The following TRPV4 variants were observed in gnomAD, a reference collection of about 807,000 sequenced individuals.
TRPV4 encodes the protein OSM9-like transient receptor potential channel 4.
In TRPV4, 58 loss-of-function variants were observed where a neutral mutation model predicts 84.1. The observed-to-expected ratio is 0.69, with a 90% CI of 0.56 to 0.86. The LOEUF is 0.86. Among genes scored for constraint, TRPV4 ranks in the 40% least tolerant of loss-of-function variants. TRPV4 has a pLI of 0.00. For synonymous variants in TRPV4, 489 were observed against 500.9 expected, an observed-to-expected ratio of 0.98 and a Z score of 0.32; for missense variants, 879 against 1,181.1, an observed-to-expected ratio of 0.74 and a Z score of 3.75.
At position 109,823,220 on chromosome 12, in the gene TRPV4, A is replaced by C. The variant is rs181511947; in HGVS notation, c.-31-8393T>G. On this transcript the variant is annotated intron_variant, in intron 1 of 15. Coordinates refer to ENST00000261740, the MANE Select transcript of TRPV4 (RefSeq NM_021625.5). Reference sequence around the variant, plus strand: ...GTATTTACCTAGCAGGTCTCGGCCCAGCCCGCTTCCTGTTTGCTGCACAGT... The same window carrying C: ...GTATTTACCTAGCAGGTCTCGGCCCCGCCCGCTTCCTGTTTGCTGCACAGT... Among the ~76,000 whole-genome samples the C allele has an allele frequency of 3.6e-3, 550 of 152,334 alleles. 4 individuals are homozygous for C. The highest frequency in any genetic ancestry group is 0.013 in the African/African-American group (530 of 41,580).
intron 12 of TRPV4, among the ~76,000 whole-genome samples, chr12:109,789,050 G>A (rs977465740): frequency 3.3e-5 from 5 of 152,138 alleles, no homozygotes; most frequent in Admixed American, 1.3e-4. Context: ...ACTGATAAGC[G>A]TAGGAGTTTT....
chr12:109,791,774 G>A (rs1397553224), intron 12 of TRPV4, among the ~76,000 whole-genome samples: 1 of 151,992 alleles, frequency 6.6e-6, no homozygotes, highest in East Asian at 2.0e-4. Flanking sequence ...GTGAGCCACT[G>A]CGCCCGGCCA....
intron 14 of TRPV4, among the ~76,000 whole-genome samples, chr12:109,785,034 T>C (rs1454731384): frequency 6.6e-6 from 1 of 152,114 alleles, no homozygotes; most frequent in Non-Finnish European, 1.5e-5. Flanking sequence ...TTTTTAACCT[T>C]CTTTTGAGAC....
chr12:109,798,916 C>G lies in TRPV4; in HGVS notation c.854-4G>C. 1.9e-6 allele frequency: 3 copies of G among 1,608,070 alleles called. No individual in the cohort carries two copies. The highest frequency in any genetic ancestry group is 2.5e-6 in the Non-Finnish European group (3 of 1,176,856). On this transcript the variant is annotated splice_region_variant and splice_polypyrimidine_tract_variant and intron_variant, in intron 5 of 15. Transcript: ENST00000261740. The surrounding 1 kb of genome is among the most constrained non-coding windows in gnomAD (Gnocchi z 5.0). ...GCCAGCGACAGGGGCAGCTCCCCTGCGGGCCAGGGTGAAGGGTGGGAGGTC... is the reference window on the plus strand; with the variant it reads ...GCCAGCGACAGGGGCAGCTCCCCTGGGGGCCAGGGTGAAGGGTGGGAGGTC...
intron 7 of TRPV4, among the ~76,000 whole-genome samples, chr12:109,795,929 A>ATTT (rs72406308): frequency 2.0e-4 from 30 of 149,090 alleles, no homozygotes; most frequent in Admixed American, 6.7e-4. Context: ...CATTTTTATT[A>ATTT]TTTTTTTTTG....
chr12:109,814,691 G>A lies in TRPV4; in HGVS notation c.106C>T (p.Leu36=). ...TCCTCCCCCTCAAACAGATTGGCCA[G>A]GGAGGAGAGAGGAAAAGCCTCCCCA... ...PGGEAFPLSS[L]ANLFEGEDGS... The change falls in exon 2 of 16, where the codon CTG becomes TTG. Residue 36 remains leucine, a synonymous_variant. Transcript: ENST00000261740. This position sits in a 1 kb window ranked among gnomAD's most constrained non-coding sequence, Gnocchi z 5.4. The A allele has an allele frequency of 6.2e-7, 1 of 1,611,398 alleles. No individual in the cohort carries two copies. Among genetic ancestry groups the A allele is most frequent in the Non-Finnish European group, 8.5e-7 (1 of 1,179,138 alleles).
At chr12:109,817,436 C>T (rs1186173959) in intron 1 of TRPV4, among the ~76,000 whole-genome samples, 2 of 152,152 alleles carry the variant, frequency 1.3e-5, no homozygotes, top group Non-Finnish European at 2.9e-5. Context: ...CCAAGAAGGT[C>T]CTTCCATCCC....
Position 109,814,909 on chromosome 12 carries a change from A to G in TRPV4, c.-31-82T>C. 1 of 1,345,464 alleles carries G rather than the reference A, an allele frequency of 7.4e-7. No homozygotes were observed. The highest frequency in any genetic ancestry group is 1.0e-6 in the Non-Finnish European group (1 of 984,358). 83.3% of individuals were successfully genotyped at this position (1,345,464 alleles called of 1,614,324 possible). On this transcript the variant is annotated intron_variant, in intron 1 of 15. Coordinates refer to ENST00000261740, the MANE Select transcript of TRPV4 (RefSeq NM_021625.5). The surrounding 1 kb of genome is among the most constrained non-coding windows in gnomAD (Gnocchi z 5.4). The stretch of plus-strand genomic sequence containing the variant: ...GAAGCCCCCTCCCACGTGGACAAGC[A>G]GCAGTGCTGCCAGCTGCTTCAAAGC...
intron 7 of TRPV4, among the ~76,000 whole-genome samples, chr12:109,795,496 C>G (rs1375225802): frequency 6.6e-6 from 1 of 152,188 alleles, no homozygotes; most frequent in Non-Finnish European, 1.5e-5. Flanking sequence ...TTATAGCTTC[C>G]TAGCCCTTTA....
chr12:109,783,723 C>T lies in TRPV4; in HGVS notation c.2514G>A (p.Pro838=), dbSNP rs576688961. ...TGTCCAGAGGCACCACCACCTCGTC[C>T]GGGTTCGAGTTCTTGTTCAGTTCCA... The part of the protein sequence containing the change: ...RVVELNKNSN[P]DEVVVPLDSM... Residue 838 remains proline, a synonymous_variant, in exon 16 of 16, where the codon CCG becomes CCA. Coordinates refer to ENST00000261740, the MANE Select transcript of TRPV4 (RefSeq NM_021625.5). The surrounding 1 kb of genome is among the most constrained non-coding windows in gnomAD (Gnocchi z 4.6). The T allele has an allele frequency of 8.9e-5, 144 of 1,613,656 alleles. No homozygotes were observed. In the Middle Eastern group the frequency reaches 9.9e-4, roughly 11 times the overall value.
intron 1 of TRPV4, among the ~76,000 whole-genome samples, chr12:109,820,513 C>CT (rs1245573219): frequency 2.8e-5 from 3 of 106,728 alleles, no homozygotes; most frequent in Admixed American, 1.0e-4. Flanking sequence ...CTTCAGCTGC[C>CT]CTATTTTTTT....
intron 7 of TRPV4, among the ~76,000 whole-genome samples, chr12:109,794,868 A>G (rs1244517958): frequency 6.6e-6 from 1 of 152,042 alleles, no homozygotes; most frequent in Admixed American, 6.6e-5. Flanking sequence ...AAACACAACA[A>G]TTAGCCGGGC....
rs1169311810 is a variant in TRPV4, at chr12:109,814,865, C to A, written c.-31-38G>T. ...GAAAGGGGAGTCAGGCAGAACCCGGCCAGGGGCGGGGGCTCCAGGAAGCCC... is the reference window on the plus strand; with the variant it reads ...GAAAGGGGAGTCAGGCAGAACCCGGACAGGGGCGGGGGCTCCAGGAAGCCC... On this transcript the variant is annotated intron_variant, in intron 1 of 15. Transcript: ENST00000261740. This position sits in a 1 kb window ranked among gnomAD's most constrained non-coding sequence, Gnocchi z 5.4. 1.3e-6 allele frequency: 2 copies of A among 1,527,322 alleles called. No individual in the cohort carries two copies. Among genetic ancestry groups the A allele is most frequent in the African/African-American group, 1.4e-5 (1 of 72,926 alleles). 94.6% of individuals were successfully genotyped at this position (1,527,322 alleles called of 1,614,324 possible).
In TRPV4 at chr12:109,783,798, G is replaced by C. The variant is rs1237103634; in HGVS notation, c.2459-20C>G. On this transcript the variant is annotated intron_variant, in intron 15 of 15. Coordinates refer to ENST00000261740, the MANE Select transcript of TRPV4 (RefSeq NM_021625.5). The surrounding 1 kb of genome is among the most constrained non-coding windows in gnomAD (Gnocchi z 4.6). The stretch of plus-strand genomic sequence containing the variant: ...AGCGATCTGCACCGAGAGCACATCA[G>C]AGGGAGGGGTGGGGGTTGGTGGAGA... The C allele has an allele frequency of 6.2e-7, 1 of 1,609,764 alleles. No individual in the cohort carries two copies. The highest frequency in any genetic ancestry group is 8.5e-7 in the Non-Finnish European group (1 of 1,179,922).
Position 109,819,854 on chromosome 12 carries a change from G to A in TRPV4, c.-31-5027C>T, listed in dbSNP as rs560195502. 4.6e-5 allele frequency among the ~76,000 whole-genome samples: 7 copies of A among 152,260 alleles called. No individual in the cohort carries two copies. The South Asian group carries it at 8.3e-4, about 18-fold the overall frequency. On this transcript the variant is annotated intron_variant, in intron 1 of 15. Coordinates refer to ENST00000261740, the MANE Select transcript of TRPV4 (RefSeq NM_021625.5). The stretch of plus-strand genomic sequence containing the variant: ...TGGAATTACAGGCATGAGCCACTGC[G>A]CCCAGCCAAAGTAGCGGTTTTTGAA...
At chr12:109,806,860 CAAAAAAAAAAAAGAA>C (rs964125475) in intron 3 of TRPV4, among the ~76,000 whole-genome samples, 2 of 45,622 alleles carry the variant, frequency 4.4e-5, no homozygotes, top group African/African-American at 1.9e-4. Context: ...GACCCTATCT[CAAAAAAAAAAAAGAA>C]AAAAAAAAAA....
At position 109,792,371 on chromosome 12, in the gene TRPV4, T is replaced by A; in HGVS notation, c.1883A>T (p.Tyr628Phe). The A allele has an allele frequency of 6.2e-7, 1 of 1,613,296 alleles. No individual in the cohort carries two copies. Residue 628 changes from tyrosine to phenylalanine, a missense_variant, in exon 12 of 16, where the codon TAC (tyrosine) becomes TTC (phenylalanine). Physicochemically the swap from Tyr to Phe is conservative, Grantham distance 22. This residue lies in a region of TRPV4 where 242 missense variants were observed against 355.3 expected (regional missense o/e 0.68). Transcript: ENST00000261740. ...LLVYLLFMIG[Y>F]ASALVSLLNP... The stretch of plus-strand genomic sequence containing the variant: ...GAGCACCCAGAGCTCACCTGAAGCG[T>A]AGCCGATCATGAAGAGCAAGTAGAC...
chr12:109,799,951 TTTATTTTTTG>T (rs1890669772), intron 5 of TRPV4, among the ~76,000 whole-genome samples: 1 of 151,624 alleles, frequency 6.6e-6, no homozygotes, highest in East Asian at 1.9e-4. Flanking sequence ...TATTTATTTA[TTTATTTTTTG>T]AGACAGAGTC....
At chr12:109,825,403 T>C (rs1214387544) in intron 1 of TRPV4, among the ~76,000 whole-genome samples, 1 of 151,956 alleles carries the variant, frequency 6.6e-6, no homozygotes, top group African/African-American at 2.4e-5. Flanking sequence ...CCCACCCAGG[T>C]CGTAGCAATT....
Sources: gnomAD v4.1 joint callset for allele counts (sites outside exome capture counted in the v4.1 genomes callset) on GRCh38, gnomAD v4.1.1 for gene constraint, gnomAD v4.1.1 regional missense constraint, Gnocchi (gnomAD v3.1) non-coding constraint, MANE v1.5 for transcripts, NCBI Gene and HGNC (gene_info 2026-07-23, HGNC 2026-07-21) for gene names.